RINT1: variants seen among roughly 807,000 people sequenced by gnomAD.
The protein encoded by RINT1 is RAD50-interacting protein 1.
Under a neutral mutation model 97.7 loss-of-function variants are expected in RINT1, and 75 were observed. The ratio of observed to expected loss-of-function variants is 0.77; its 90% CI spans 0.64 to 0.93. The LOEUF (loss-of-function observed/expected upper bound fraction) is 0.93, where lower values mean the gene tolerates loss of function less well. RINT1 is among the 40% of genes least tolerant of loss of function. The pLI, the probability that RINT1 is intolerant of heterozygous loss-of-function variation, is 0.00. For missense variants in RINT1, 892 were observed against 925.2 expected (o/e 0.96, Z 0.47); for synonymous variants, 303 against 326.3 (o/e 0.93, Z 0.77).
intron 5 of RINT1, 39 bp from the exon 6 acceptor site, chr7:105,547,145 G>C (rs753975051): frequency 6.2e-7 from 1 of 1,613,840 alleles, no homozygotes; most frequent in Non-Finnish European, 8.5e-7. Flanking sequence ...TGATCATTTG[G>C]TGATGTACTG....
chr7:105,532,749 C>T (rs1475850297), intron 1 of RINT1, 75 bp from the exon 2 acceptor site: 3 of 1,491,258 alleles, frequency 2.0e-6, no homozygotes, highest in African/African-American at 2.8e-5. Flanking sequence ...CCAGTGGGTG[C>T]CCTTTGGGAG....
At chr7:105,536,495 A>G in intron 2 of RINT1, 70 bp from the exon 3 acceptor site, 2 of 1,158,870 alleles carry the variant, frequency 1.7e-6, no homozygotes, top group Non-Finnish European at 2.4e-6. Flanking sequence ...AACTGCTTTT[A>G]TATGTTTTAT....
At chr7:105,540,129 AGTG>A in intron 3 of RINT1, among the ~76,000 whole-genome samples, 1 of 140,414 alleles carries the variant, frequency 7.1e-6, no homozygotes, top group Non-Finnish European at 1.5e-5. Context: ...CCCAGGCTGG[AGTG>A]TGGTGGTGTG....
intron 7 of RINT1, among the ~76,000 whole-genome samples, chr7:105,548,984 T>C (rs568273904): frequency 3.6e-4 from 55 of 152,104 alleles, no homozygotes; most frequent in African/African-American, 1.3e-3. Context: ...ACTTGGTATT[T>C]CTTTTCTTTT....
At chr7:105,545,608 C>T (rs1328572605) in intron 4 of RINT1, among the ~76,000 whole-genome samples, 1 of 151,598 alleles carries the variant, frequency 6.6e-6, no homozygotes, top group Non-Finnish European at 1.5e-5. Context: ...TCACTGCAAC[C>T]TCTGTCTTCT....
At chr7:105,544,814 C>G (rs575381876) in intron 4 of RINT1, among the ~76,000 whole-genome samples, 1 of 152,306 alleles carries the variant, frequency 6.6e-6, no homozygotes, top group East Asian at 1.9e-4. Flanking sequence ...GGATCAAATT[C>G]ATAAGCAGGT....
Position 105,550,059 on chromosome 7 carries a change from A to G in RINT1, c.1001A>G (p.Glu334Gly). The G allele has an allele frequency of 6.3e-7, 1 of 1,596,290 alleles. No homozygotes were observed. The highest frequency in any genetic ancestry group is 8.6e-7 in the Non-Finnish European group (1 of 1,168,472). The change falls in exon 8 of 15, where the codon GAA becomes GGA. Residue 334 changes from glutamate to glycine, a missense_variant. Physicochemically the swap from Glu to Gly is moderately conservative, Grantham distance 98. Coordinates refer to ENST00000257700, the MANE Select transcript of RINT1 (RefSeq NM_021930.6). ...ACTATTTTCCTCCTTCCTTAGCCAG[A>G]ATGGTACTTGGCTCAAGTACTTATG... is the stretch of plus-strand genomic sequence containing the variant. ...NRQTNVLSKP[E>G]WYLAQVLMWI...
intron 4 of RINT1, among the ~76,000 whole-genome samples, chr7:105,545,449 T>TA (rs1790622416): frequency 1.4e-5 from 2 of 147,800 alleles, no homozygotes; most frequent in Admixed American, 6.7e-5. Context: ...TGAGACTCTT[T>TA]TAAAAAAAAA....
chr7:105,562,255 T>C (rs1222587595), intron 11 of RINT1, among the ~76,000 whole-genome samples: 1 of 151,176 alleles, frequency 6.6e-6, no homozygotes, highest in Non-Finnish European at 1.5e-5. Flanking sequence ...CCGCAAACTG[T>C]TTTTTTGTTT....
At position 105,565,396 on chromosome 7, in the gene RINT1, C is replaced by T. The variant is rs2133477561; in HGVS notation, c.2006C>T (p.Ser669Phe). 1.2e-6 allele frequency: 2 copies of T among 1,614,116 alleles called. No homozygotes were observed. The highest frequency in any genetic ancestry group is 2.2e-5 in the East Asian group (1 of 44,878). The change falls in exon 13 of 15, where the codon TCC becomes TTC. Residue 669 changes from serine (S) to phenylalanine (F), a missense_variant. Transcript: ENST00000257700. ...LLQLEQQLCF[S>F]LFKIFWQMLV... The stretch of plus-strand genomic sequence containing the variant: ...CAGTTGGAGCAGCAGCTTTGTTTCT[C>T]CTTATTTAAAATTTTCTGGCAAATG...
At chr7:105,561,657 G>T (rs375563028) in intron 11 of RINT1, among the ~76,000 whole-genome samples, 1 of 152,124 alleles carries the variant, frequency 6.6e-6, no homozygotes, top group Non-Finnish European at 1.5e-5. Flanking sequence ...TGCCTCCTGG[G>T]TTCAAGCAAT....
At chr7:105,546,006 G>C (rs901175461) in intron 4 of RINT1, among the ~76,000 whole-genome samples, 1 of 146,728 alleles carries the variant, frequency 6.8e-6, no homozygotes, top group Non-Finnish European at 1.5e-5. Context: ...GGATGGGGAA[G>C]GGGGGGCGGG....
At chr7:105,547,160 G>A in intron 5 of RINT1, 24 bp from the exon 6 acceptor site, 1 of 1,614,106 alleles carries the variant, frequency 6.2e-7, no homozygotes, top group South Asian at 1.1e-5. Context: ...GTACTGAAAT[G>A]TATGTGTTAC....
rs764326516 is a variant in RINT1 at position 105,532,341 on chromosome 7, C to T, written c.26C>T (p.Ala9Val). 2 of 1,599,822 alleles carry T rather than the reference C, an allele frequency of 1.3e-6. No individual in the cohort carries two copies. Among genetic ancestry groups the T allele is most frequent in the Admixed American group, 1.7e-5 (1 of 58,554 alleles). Reference protein sequence around the residue: MLPAGEIGASPAAPCCSES... With the variant: MLPAGEIGVSPAAPCCSES... ...ATGCTACCAGCCGGCGAGATCGGCG[C>T]CTCTCCTGCAGCCCCGGTGAGACGG... The change falls in exon 1 of 15, where the codon GCC (alanine) becomes GTC (valine). Residue 9 changes from alanine to valine, a missense_variant. By Grantham distance (64) the Ala-to-Val change is moderately conservative. Coordinates refer to ENST00000257700, the MANE Select transcript of RINT1 (RefSeq NM_021930.6).
chr7:105,535,765 T>C (rs1790206352), intron 2 of RINT1: 1 of 315,186 alleles, frequency 3.2e-6, no homozygotes, highest in South Asian at 2.6e-5. Context: ...CTAGAACTTC[T>C]GGGCTCAAGT....
At chr7:105,534,261 G>T (rs1790142208) in intron 2 of RINT1, among the ~76,000 whole-genome samples, 1 of 152,048 alleles carries the variant, frequency 6.6e-6, no homozygotes, top group South Asian at 2.1e-4. Context: ...TAGAGGCAGG[G>T]TTTCACCATT....
rs1028477520 is a variant in RINT1, at chr7:105,567,468, A to G, written c.*157A>G. 7.0e-6 allele frequency: 5 copies of G among 715,294 alleles called. No individual in the cohort carries two copies. The highest frequency in any genetic ancestry group is 1.7e-5 in the African/African-American group (1 of 57,222). The allele number at this position is 715,294 out of a possible 1,614,324, so 44.3% of individuals were successfully genotyped here. On this transcript the variant is annotated 3_prime_UTR_variant, in exon 15 of 15. Transcript: ENST00000257700. The stretch of plus-strand genomic sequence containing the variant: ...TTATGGTGTTATTAAAATGCTGACC[A>G]TATTTCCTTCATCCTCTTGTTCCTA...
At chr7:105,540,729 A>G (rs193270087) in intron 3 of RINT1, among the ~76,000 whole-genome samples, 1 of 150,892 alleles carries the variant, frequency 6.6e-6, no homozygotes. Context: ...CATTGCCTGG[A>G]TATCATCTCA....
intron 11 of RINT1, among the ~76,000 whole-genome samples, chr7:105,555,659 AT>A (rs1791147522): frequency 6.6e-6 from 1 of 152,212 alleles, no homozygotes; most frequent in East Asian, 1.9e-4. Flanking sequence ...AGGAAGAAAC[AT>A]TTAAAGTTTT....
Sources: allele counts gnomAD v4.1 joint callset (sites outside exome capture counted in the v4.1 genomes callset), GRCh38; gene constraint gnomAD v4.1.1; transcripts MANE v1.5; gene names NCBI Gene and HGNC (gene_info 2026-07-23, HGNC 2026-07-21).